The following BCAS3 variants were observed in gnomAD, a reference collection of about 807,000 sequenced individuals.
BCAS3 encodes the protein BCAS4/BCAS3 fusion.
BCAS3 carries 53 observed loss-of-function variants against 116.1 expected under a neutral mutation model. That is an observed-to-expected ratio of 0.46 (90% CI 0.37 to 0.57). The LOEUF (loss-of-function observed/expected upper bound fraction) is 0.57, where lower values mean the gene tolerates loss of function less well. BCAS3 is among the 20% of genes least tolerant of loss of function. The pLI is 0.00. For missense variants in BCAS3, 917 were observed against 1,165.4 expected (o/e 0.79, Z 3.10); for synonymous variants, 391 against 408.2 (o/e 0.96, Z 0.51).
chr17:61,196,854 C>T lies in BCAS3; in HGVS notation c.2425+112290C>T, dbSNP rs2080510879. On this transcript the variant is annotated intron_variant, in intron 22 of 23. Transcript: ENST00000407086. The surrounding 1 kb of genome is among the most constrained non-coding windows in gnomAD (Gnocchi z 4.7). ...CTAAAGTATAGTTTATATATAATGTCATGGTTATTTGTAGAGAGATTGAAG... is the reference window on the plus strand; with the variant it reads ...CTAAAGTATAGTTTATATATAATGTTATGGTTATTTGTAGAGAGATTGAAG... 6.6e-6 allele frequency among the ~76,000 whole-genome samples: 1 copy of T among 152,178 alleles called. No homozygotes were observed. Among genetic ancestry groups the T allele is most frequent in the Non-Finnish European group, 1.5e-5 (1 of 68,028 alleles).
intron 9 of BCAS3, among the ~76,000 whole-genome samples, chr17:60,879,996 A>G (rs537124642): frequency 7.2e-4 from 109 of 152,346 alleles, no homozygotes; most frequent in Non-Finnish European, 1.2e-3. Context: ...GGAAAAGGTT[A>G]CTATGATGTT....
At chr17:61,330,061 G>C (rs1305883167) in intron 22 of BCAS3, among the ~76,000 whole-genome samples, 1 of 152,186 alleles carries the variant, frequency 6.6e-6, no homozygotes, top group Non-Finnish European at 1.5e-5. Flanking sequence ...ACAGAATTTA[G>C]TCTAGATGCC....
intron 23 of BCAS3, among the ~76,000 whole-genome samples, chr17:61,374,449 G>T (rs1200890569): frequency 3.3e-5 from 5 of 152,218 alleles, no homozygotes; most frequent in African/African-American, 7.2e-5. Context: ...GGGATTACAG[G>T]CATGAGCCAC....
At chr17:60,940,348 G>A (rs2060161663) in intron 13 of BCAS3, among the ~76,000 whole-genome samples, 1 of 152,214 alleles carries the variant, frequency 6.6e-6, no homozygotes, top group Non-Finnish European at 1.5e-5. Flanking sequence ...GGCTACTAAA[G>A]TGGAAGAATA....
rs567948856 is a variant in BCAS3, at chr17:61,332,145, C to T, written c.2426-36182C>T. ...CCCGCCGGGCTCTGGAGCTGGGCCA[C>T]GGGCTCCTCTCTCTGGAAAGGCTCT... On this transcript the variant is annotated intron_variant, in intron 22 of 23. Coordinates refer to ENST00000407086, the MANE Select transcript of BCAS3 (RefSeq NM_017679.5). The surrounding 1 kb of genome is among the most constrained non-coding windows in gnomAD (Gnocchi z 5.4). Among the ~76,000 whole-genome samples the T allele has an allele frequency of 5.9e-5, 9 of 152,278 alleles. No individual in the cohort carries two copies. Among genetic ancestry groups the T allele is most frequent in the Admixed American group, 3.9e-4 (6 of 15,300 alleles).
At position 61,226,186 on chromosome 17, in the gene BCAS3, A is replaced by T. The variant is rs2082363454; in HGVS notation, c.2425+141622A>T. 6.6e-6 allele frequency among the ~76,000 whole-genome samples: 1 copy of T among 152,206 alleles called. No homozygotes were observed. The highest frequency in any genetic ancestry group is 2.4e-5 in the African/African-American group (1 of 41,466). ...ATATAGCAAGACCCTAGCTCTAAAA[A>T]TTAAAAAATTCCTAAAATATCCACT... is the stretch of plus-strand genomic sequence containing the variant. On this transcript the variant is annotated intron_variant, in intron 22 of 23. Coordinates refer to ENST00000407086, the MANE Select transcript of BCAS3 (RefSeq NM_017679.5). This position sits in a 1 kb window ranked among gnomAD's most constrained non-coding sequence, Gnocchi z 6.0.
At chr17:60,996,178 A>G (rs1216343680) in intron 15 of BCAS3, among the ~76,000 whole-genome samples, 1 of 152,154 alleles carries the variant, frequency 6.6e-6, no homozygotes, top group Non-Finnish European at 1.5e-5. Flanking sequence ...GGCATTGAGA[A>G]TAAGAGTGAC....
chr17:61,363,599 G>A lies in BCAS3; in HGVS notation c.2426-4728G>A, dbSNP rs1002345948. On this transcript the variant is annotated intron_variant, in intron 22 of 23. Coordinates refer to ENST00000407086, the MANE Select transcript of BCAS3 (RefSeq NM_017679.5). This position sits in a 1 kb window ranked among gnomAD's most constrained non-coding sequence, Gnocchi z 4.9. ...TCACTCTGAACCTTGTACAGTGCTC[G>A]ACTCATATCATAGTGGACACTAACT... Among the ~76,000 whole-genome samples, 4 of 149,422 alleles carry A rather than the reference G, an allele frequency of 2.7e-5. No homozygotes were observed. The highest frequency in any genetic ancestry group is 9.9e-5 in the African/African-American group (4 of 40,392).
intron 6 of BCAS3, among the ~76,000 whole-genome samples, chr17:60,755,742 A>G (rs12601568): frequency 0.73 from 110,379 of 152,106 alleles, 45,756 homozygotes; most frequent in South Asian, 0.98. Flanking sequence ...TGGATTTATG[A>G]TTACTTATTT....
chr17:61,237,999 C>T (rs1327290899), intron 22 of BCAS3, among the ~76,000 whole-genome samples: 2 of 152,162 alleles, frequency 1.3e-5, no homozygotes, highest in Non-Finnish European at 2.9e-5. Context: ...ATGATCACCA[C>T]CCTGAGTTGG....
At position 61,012,229 on chromosome 17, in the gene BCAS3, G is replaced by A. The variant is rs975542973; in HGVS notation, c.1487-3522G>A. Among the ~76,000 whole-genome samples the A allele has an allele frequency of 1.3e-5, 2 of 152,030 alleles. No individual in the cohort carries two copies. The highest frequency in any genetic ancestry group is 2.4e-5 in the African/African-American group (1 of 41,412). On this transcript the variant is annotated intron_variant, in intron 15 of 23. Transcript: ENST00000407086. The surrounding 1 kb of genome is among the most constrained non-coding windows in gnomAD (Gnocchi z 4.5). ...AAAGTCCCTTGGACTTACTCCTTCA[G>A]AATCTAGAACAGGGCCTGATACCAA...
At chr17:61,360,775 A>G (rs1194835578) in intron 22 of BCAS3, among the ~76,000 whole-genome samples, 1 of 152,230 alleles carries the variant, frequency 6.6e-6, no homozygotes, top group East Asian at 1.9e-4. Flanking sequence ...CCTGCTGGAC[A>G]TATCTTTTGG....
intron 14 of BCAS3, among the ~76,000 whole-genome samples, chr17:60,972,523 A>T (rs1219308145): frequency 7.1e-6 from 1 of 140,368 alleles, no homozygotes; most frequent in Non-Finnish European, 1.5e-5. Context: ...ATCATTGCTC[A>T]CTGCAGCCTT....
intron 10 of BCAS3, among the ~76,000 whole-genome samples, chr17:60,891,988 T>C (rs1410139314): frequency 6.6e-6 from 1 of 152,234 alleles, no homozygotes; most frequent in African/African-American, 2.4e-5. Flanking sequence ...TTTCATTCTT[T>C]CTGTGGTTGC....
intron 6 of BCAS3, among the ~76,000 whole-genome samples, chr17:60,766,439 C>T (rs1174811062): frequency 2.6e-5 from 4 of 152,208 alleles, no homozygotes; most frequent in Non-Finnish European, 2.9e-5. Flanking sequence ...TTCCTTCTAA[C>T]AGTCAGGTCC....
chr17:60,936,219 T>C (rs538360718), intron 13 of BCAS3, among the ~76,000 whole-genome samples: 42 of 150,836 alleles, frequency 2.8e-4, no homozygotes, highest in Middle Eastern at 6.8e-3. Context: ...TAGTATTCCA[T>C]GGTGTATATG....
At chr17:61,070,386 TATATATATATATATC>T (rs775151115) in intron 19 of BCAS3, 16 of 167,256 alleles carry the variant, frequency 9.6e-5, no homozygotes, top group Admixed American at 5.9e-4. Context: ...TATATATATA[TATATATATATATATC>T]TTTTCACCAT....
intron 10 of BCAS3, among the ~76,000 whole-genome samples, chr17:60,892,454 C>T (rs536322161): frequency 3.3e-5 from 5 of 151,986 alleles, no homozygotes; most frequent in African/African-American, 4.8e-5. Flanking sequence ...GGAGTACAGA[C>T]ATGCGCCACC....
At position 60,910,638 on chromosome 17, in the gene BCAS3, G is replaced by A. The variant is rs375099101; in HGVS notation, c.929G>A (p.Arg310Gln). 1.1e-5 allele frequency: 17 copies of A among 1,613,140 alleles called. No homozygotes were observed. Among genetic ancestry groups the A allele is most frequent in the East Asian group, 6.7e-5 (3 of 44,770 alleles). ...EDDVAIHSNS[R>Q]RSPLVPGIIT... is the part of the protein sequence containing the mutation. Reference sequence around the variant, plus strand: ...GATGTTGCCATCCACAGTAATTCACGGCGGAGTCCTTTGGTCCCAGGCATC... The same window carrying A: ...GATGTTGCCATCCACAGTAATTCACAGCGGAGTCCTTTGGTCCCAGGCATC... Residue 310 changes from arginine (R) to glutamine (Q), a missense_variant, in exon 12 of 24, where the codon CGG becomes CAG. Arg to Gln is a conservative substitution (Grantham distance 43). This residue lies in a region of BCAS3 where 807 missense variants were observed against 1,026.0 expected (regional missense o/e 0.79). Coordinates refer to ENST00000407086, the MANE Select transcript of BCAS3 (RefSeq NM_017679.5).
Sources: gnomAD v4.1 joint callset for allele counts (sites outside exome capture counted in the v4.1 genomes callset) on GRCh38, gnomAD v4.1.1 for gene constraint, gnomAD v4.1.1 regional missense constraint, Gnocchi (gnomAD v3.1) non-coding constraint, MANE v1.5 for transcripts, NCBI Gene and HGNC (gene_info 2026-07-23, HGNC 2026-07-21) for gene names.